The following FRMD4A variants were observed in gnomAD, a reference collection of about 807,000 sequenced individuals.
The protein encoded by FRMD4A is FERM domain-containing protein 4A.
Under a neutral mutation model 129.1 loss-of-function variants are expected in FRMD4A, and 29 were observed. The ratio of observed to expected loss-of-function variants is 0.22; its 90% CI spans 0.17 to 0.31. FRMD4A has a LOEUF of 0.31. FRMD4A is among the 10% of genes least tolerant of loss of function. FRMD4A has a pLI of 1.00. For synonymous variants in FRMD4A, 634 were observed against 571.6 expected (o/e 1.11, Z -1.56); for missense variants, 1,272 against 1,375.8 (o/e 0.92, Z 1.19).
At chr10:13,736,055 G>A (rs1015338521) in intron 12 of FRMD4A, among the ~76,000 whole-genome samples, 2 of 152,162 alleles carry the variant, frequency 1.3e-5, no homozygotes, top group Non-Finnish European at 2.9e-5. Context: ...GAAAGGCTGA[G>A]GCATGAGAAT....
At chr10:14,049,714 G>A (rs1305361975) in intron 2 of FRMD4A, among the ~76,000 whole-genome samples, 1 of 152,104 alleles carries the variant, frequency 6.6e-6, no homozygotes, top group Non-Finnish European at 1.5e-5. Flanking sequence ...AATTAGCCAG[G>A]CATGGTGGCG....
chr10:13,946,744 G>A (rs1424310158), intron 2 of FRMD4A, among the ~76,000 whole-genome samples: 1 of 152,180 alleles, frequency 6.6e-6, no homozygotes, highest in African/African-American at 2.4e-5. Context: ...AGAAAGAACT[G>A]GCAAGGTAAG....
intron 2 of FRMD4A, among the ~76,000 whole-genome samples, chr10:14,162,792 T>A (rs527805279): frequency 1.3e-5 from 2 of 151,986 alleles, no homozygotes; most frequent in South Asian, 2.1e-4. Context: ...CAGCATAGAG[T>A]AAATGTTAAT....
At chr10:14,301,998 A>T (rs1314284904) in intron 2 of FRMD4A, among the ~76,000 whole-genome samples, 1 of 152,188 alleles carries the variant, frequency 6.6e-6, no homozygotes, top group African/African-American at 2.4e-5. Flanking sequence ...TTTTTCAGAC[A>T]AATCTGGGGA....
chr10:14,244,614 T>C (rs1460526611), intron 2 of FRMD4A, among the ~76,000 whole-genome samples: 1 of 152,210 alleles, frequency 6.6e-6, no homozygotes, highest in Non-Finnish European at 1.5e-5. Context: ...CTACTTTTAC[T>C]ACAAAACGAA....
intron 2 of FRMD4A, among the ~76,000 whole-genome samples, chr10:14,033,810 GAGAAAGAAA>G (rs1277435447): frequency 8.0e-5 from 12 of 149,216 alleles, no homozygotes; most frequent in Non-Finnish European, 1.8e-4. Flanking sequence ...GAGACAGAGA[GAGAAAGAAA>G]AGAAAGAAAA....
intron 2 of FRMD4A, among the ~76,000 whole-genome samples, chr10:14,236,904 T>C (rs1843836791): frequency 7.0e-6 from 1 of 142,894 alleles, no homozygotes; most frequent in Non-Finnish European, 1.5e-5. Context: ...ATCTATAAAG[T>C]ATAGCTAATG....
intron 6 of FRMD4A, among the ~76,000 whole-genome samples, chr10:13,772,663 G>A (rs1209602330): frequency 6.6e-6 from 1 of 152,164 alleles, no homozygotes; most frequent in Non-Finnish European, 1.5e-5. Context: ...ATCCCAGGAA[G>A]GAATGGGAGG....
At chr10:14,293,360 C>T (rs1251945936) in intron 2 of FRMD4A, among the ~76,000 whole-genome samples, 2 of 152,170 alleles carry the variant, frequency 1.3e-5, no homozygotes, top group African/African-American at 4.8e-5. Context: ...TGCTCTTGGA[C>T]TTCCCAGCCT....
At chr10:14,217,356 G>A (rs1490366745) in intron 2 of FRMD4A, among the ~76,000 whole-genome samples, 1 of 152,108 alleles carries the variant, frequency 6.6e-6, no homozygotes, top group African/African-American at 2.4e-5. Context: ...GAATCATGGG[G>A]GCGGTTTCCC....
At chr10:13,965,437 T>C (rs957291527) in intron 2 of FRMD4A, among the ~76,000 whole-genome samples, 4 of 152,226 alleles carry the variant, frequency 2.6e-5, no homozygotes, top group Admixed American at 1.3e-4. Flanking sequence ...TCATACCTCC[T>C]GGACACAGGT....
intron 2 of FRMD4A, among the ~76,000 whole-genome samples, chr10:14,259,450 A>C (rs976047928): frequency 6.6e-6 from 1 of 152,170 alleles, no homozygotes; most frequent in Non-Finnish European, 1.5e-5. Context: ...TTCAATTTTA[A>C]TAATAAATGC....
In FRMD4A at chr10:13,888,985, C is replaced by T. The variant is rs113591606; in HGVS notation, c.46-30073G>A. Among the ~76,000 whole-genome samples, 820 of 152,284 alleles carry T rather than the reference C, an allele frequency of 5.4e-3. 3 individuals are homozygous for T. The highest frequency in any genetic ancestry group is 0.018 in the African/African-American group (755 of 41,540). On this transcript the variant is annotated intron_variant, in intron 2 of 24. Transcript: ENST00000357447. ...ATTCAGTATGATGCGTCAGGCTAAA[C>T]GCAAGTCTTATGAGGGGTAAGTATA... is the stretch of plus-strand genomic sequence containing the variant.
At chr10:13,689,549 CTT>C (rs34800095) in intron 15 of FRMD4A, among the ~76,000 whole-genome samples, 1,485 of 128,552 alleles carry the variant, frequency 0.012, 39 homozygotes, top group African/African-American at 0.041. Context: ...TTAGAAGATT[CTT>C]TTTTTTTTTT....
intron 2 of FRMD4A, among the ~76,000 whole-genome samples, chr10:13,895,696 C>A (rs2094749579): frequency 6.6e-6 from 1 of 152,190 alleles, no homozygotes; most frequent in Non-Finnish European, 1.5e-5. Flanking sequence ...AGAGCTTCTG[C>A]ACAGCAAAAG....
intron 24 of FRMD4A, chr10:13,647,624 A>T (rs932242428): frequency 4.6e-5 from 7 of 152,034 alleles, no homozygotes; most frequent in Non-Finnish European, 7.4e-5. Context: ...TTAAAAGTTT[A>T]AAAAAAATCA....
chr10:13,763,005 G>T (rs1243036685), intron 6 of FRMD4A, among the ~76,000 whole-genome samples: 1 of 151,990 alleles, frequency 6.6e-6, no homozygotes, highest in Non-Finnish European at 1.5e-5. Context: ...CAAACAAAAA[G>T]CCTTATTTTC....
intron 2 of FRMD4A, among the ~76,000 whole-genome samples, chr10:13,939,967 T>C (rs956197575): frequency 4.6e-5 from 7 of 152,186 alleles, no homozygotes; most frequent in Admixed American, 3.3e-4. Flanking sequence ...TATTTGGCCA[T>C]GCAAACAGCG....
intron 12 of FRMD4A, among the ~76,000 whole-genome samples, chr10:13,720,238 G>A (rs945803716): frequency 7.2e-5 from 11 of 152,106 alleles, no homozygotes; most frequent in African/African-American, 2.2e-4. Flanking sequence ...TAGTAGAGAC[G>A]GGGTTTCACT....
Sources: allele counts gnomAD v4.1 joint callset (sites outside exome capture counted in the v4.1 genomes callset), GRCh38; gene constraint gnomAD v4.1.1; transcripts MANE v1.5; gene names NCBI Gene and HGNC (gene_info 2026-07-23, HGNC 2026-07-21).